Variants in P2RX1 observed in about 807,000 individuals in gnomAD.
The protein encoded by P2RX1 is P2X purinoceptor 1.
In P2RX1, 42 loss-of-function variants were observed where a neutral mutation model predicts 50.3. The observed-to-expected ratio is 0.83, with a 90% confidence interval of 0.65 to 1.08. P2RX1 has a LOEUF of 1.08. P2RX1 is among the 50% of genes least tolerant of loss of function. The probability of loss-of-function intolerance (pLI) is 0.00; values close to 1 mark genes in which losing one functional copy is unlikely to be tolerated. For missense variants in P2RX1, 449 were observed against 529.0 expected, an observed-to-expected ratio of 0.85 and a Z score of 1.48; for synonymous variants, 199 against 202.6, an observed-to-expected ratio of 0.98 and a Z score of 0.15.
At chr17:3,915,687 T>G in intron 1 of P2RX1, 1 of 464,972 alleles carries the variant, frequency 2.2e-6, no homozygotes, top group Non-Finnish European at 4.3e-6. Context: ...TAACTTGTCA[T>G]ATGGGGTGAC....
chr17:3,902,336 G>A lies in P2RX1; in HGVS notation c.747+866C>T, dbSNP rs148779603. 1.1e-4 allele frequency among the ~76,000 whole-genome samples: 17 copies of A among 150,906 alleles called. No individual in the cohort carries two copies. The East Asian group carries it at 2.5e-3, about 23-fold the overall frequency. ...TTTGACAGAGTCTTGCTCTGTCCCC[G>A]AGTCTGGAGTGCAGTGGCGTGATCT... is the stretch of plus-strand genomic sequence containing the variant. On this transcript the variant is annotated intron_variant, in intron 7 of 11. Transcript: ENST00000225538.
At chr17:3,897,955 A>G in intron 11 of P2RX1, 54 bp downstream of exon 11, 1 of 1,610,036 alleles carries the variant, frequency 6.2e-7, no homozygotes, top group Non-Finnish European at 8.5e-7. Flanking sequence ...CCACCCCAAC[A>G]CAGACACAAG....
intron 1 of P2RX1, chr17:3,915,480 G>T (rs542660715): frequency 4.4e-6 from 2 of 456,428 alleles, no homozygotes; most frequent in Non-Finnish European, 8.8e-6. Flanking sequence ...CTCCCAGCCC[G>T]GTGGGACAGG....
chr17:3,914,973 G>A lies in P2RX1; in HGVS notation c.137+1116C>T, dbSNP rs1226293470. Reference sequence around the variant, plus strand: ...GGACAGAAGGAGGGCTCTTTTGGACGCCAGAAGTTTCCGGGGGACTAGGAC... The same window carrying A: ...GGACAGAAGGAGGGCTCTTTTGGACACCAGAAGTTTCCGGGGGACTAGGAC... On this transcript the variant is annotated intron_variant, in intron 1 of 11. Transcript: ENST00000225538. This position sits in a 1 kb window ranked among gnomAD's most constrained non-coding sequence, Gnocchi z 4.1. Among the ~76,000 whole-genome samples the A allele has an allele frequency of 1.3e-5, 2 of 152,156 alleles. No homozygotes were observed. Among genetic ancestry groups the A allele is most frequent in the Non-Finnish European group, 2.9e-5 (2 of 68,010 alleles).
intron 1 of P2RX1, among the ~76,000 whole-genome samples, chr17:3,905,803 C>A (rs1251274884): frequency 6.8e-6 from 1 of 146,652 alleles, no homozygotes; most frequent in Non-Finnish European, 1.5e-5. Flanking sequence ...GCCGAGATCG[C>A]GCTATTGCAC....
At chr17:3,915,666 CTG>C (rs1186171152) in intron 1 of P2RX1, 1 of 460,694 alleles carries the variant, frequency 2.2e-6, no homozygotes, top group Non-Finnish European at 4.4e-6. Flanking sequence ...GCAGCAGAGT[CTG>C]TCTCTCTCTA....
At chr17:3,907,839 T>A (rs2056294940) in intron 1 of P2RX1, among the ~76,000 whole-genome samples, 1 of 152,158 alleles carries the variant, frequency 6.6e-6, no homozygotes, top group African/African-American at 2.4e-5. Flanking sequence ...CAGGAGGGCC[T>A]CTGGTTCTGT....
chr17:3,908,954 T>A (rs563408086), intron 1 of P2RX1, among the ~76,000 whole-genome samples: 2 of 152,308 alleles, frequency 1.3e-5, no homozygotes, highest in South Asian at 4.1e-4. Context: ...ATTAAGTGTT[T>A]AGTGAGGCTC....
At position 3,898,068 on chromosome 17, in the gene P2RX1, T is replaced by C. The variant is rs1047283827; in HGVS notation, c.1075A>G (p.Lys359Glu). 1.2e-6 allele frequency: 2 copies of C among 1,613,250 alleles called. No homozygotes were observed. Among genetic ancestry groups the C allele is most frequent in the Non-Finnish European group, 1.7e-6 (2 of 1,179,862 alleles). Residue 359 changes from lysine (K) to glutamate (E), a missense_variant, in exon 11 of 12, where the codon AAG becomes GAG. Physicochemically the swap from Lys to Glu is moderately conservative, Grantham distance 56. Transcript: ENST00000225538. Reference sequence around the variant, plus strand: ...TTCTTCTGCTTGTAGTAGTGCCTCTTAGGCAGGATGTGAAGCAGCAGCAGG... The same window carrying C: ...TTCTTCTGCTTGTAGTAGTGCCTCTCAGGCAGGATGTGAAGCAGCAGCAGG... Reference protein sequence around the residue: ...CDLLLLHILPKRHYYKQKKFK... With the variant: ...CDLLLLHILPERHYYKQKKFK...
intron 1 of P2RX1, among the ~76,000 whole-genome samples, chr17:3,909,704 G>A (rs74953225): frequency 1.3e-5 from 2 of 152,050 alleles, no homozygotes; most frequent in Non-Finnish European, 2.9e-5. Flanking sequence ...AAACAAACAC[G>A]TATTTATCCA....
In P2RX1 at chr17:3,916,098, T is replaced by C. The variant is rs2052403673; in HGVS notation, c.128A>G (p.Tyr43Cys). The C allele has an allele frequency of 2.5e-6, 4 of 1,613,446 alleles. No individual in the cohort carries two copies. The highest frequency in any genetic ancestry group is 2.5e-6 in the Non-Finnish European group (3 of 1,179,954). The change falls in exon 1 of 12, where the codon TAC becomes TGC. Residue 43 changes from tyrosine (Y) to cysteine (C), a missense_variant. By Grantham distance (194) the Tyr-to-Cys change is radical. Coordinates refer to ENST00000225538, the MANE Select transcript of P2RX1 (RefSeq NM_002558.4). ...FRLIQLVVLV[Y>C]VIGWVFLYEK... ...AGGCGCCCGGACTCACCCGATGACG[T>C]AGACCAGGACCACCAGCTGGATCAG...
intron 1 of P2RX1, chr17:3,915,522 C>T (rs2052388038): frequency 2.2e-6 from 1 of 456,542 alleles, no homozygotes; most frequent in African/African-American, 2.0e-5. Context: ...ACTATCATCC[C>T]TGGGACCAGA....
chr17:3,907,524 G>A lies in P2RX1; in HGVS notation c.138-2157C>T, dbSNP rs1309445350. 3.3e-5 allele frequency among the ~76,000 whole-genome samples: 5 copies of A among 152,122 alleles called. No homozygotes were observed. The East Asian group carries it at 9.6e-4, about 29-fold the overall frequency. ...GAACTCTCCAGGCCTCTTAGTCCCA[G>A]AGTCACCTCTCTCCCTGCTGCAGGC... On this transcript the variant is annotated intron_variant, in intron 1 of 11. Transcript: ENST00000225538.
intron 3 of P2RX1, 52 bp downstream of exon 3, chr17:3,904,798 CTCTGCACG>C (rs1567653383): frequency 3.7e-6 from 5 of 1,345,274 alleles, no homozygotes; most frequent in Non-Finnish European, 5.2e-6. Flanking sequence ...TGGAGACTTT[CTCTGCACG>C]TCATTTTCCC....
intron 1 of P2RX1, among the ~76,000 whole-genome samples, chr17:3,909,031 A>G (rs1383871867): frequency 6.6e-6 from 1 of 151,802 alleles, no homozygotes; most frequent in South Asian, 2.1e-4. Flanking sequence ...GGAAGCTTCT[A>G]TGAGTTCTTT....
At chr17:3,904,434 T>C in intron 3 of P2RX1, 35 bp from the exon 4 acceptor site, 4 of 1,590,674 alleles carry the variant, frequency 2.5e-6, no homozygotes, top group Non-Finnish European at 3.4e-6. Context: ...CCCAGGCCCC[T>C]TGGGTGGGGT....
chr17:3,906,097 C>G (rs975982286), intron 1 of P2RX1, among the ~76,000 whole-genome samples: 3 of 152,282 alleles, frequency 2.0e-5, no homozygotes, highest in African/African-American at 7.2e-5. Flanking sequence ...TCCCCTGTGC[C>G]TCAGTTTCCT....
intron 1 of P2RX1, among the ~76,000 whole-genome samples, chr17:3,906,404 TA>T (rs1327819761): frequency 6.6e-6 from 1 of 152,244 alleles, no homozygotes. Context: ...GTGCTGGGAT[TA>T]TAGGCATGAG....
intron 1 of P2RX1, among the ~76,000 whole-genome samples, chr17:3,910,921 T>C (rs567092560): frequency 6.6e-6 from 1 of 152,374 alleles, no homozygotes; most frequent in East Asian, 1.9e-4. Context: ...GTTGAATGAC[T>C]AACTGAATGT....
Sources: gnomAD v4.1 joint callset for allele counts (sites outside exome capture counted in the v4.1 genomes callset) on GRCh38, gnomAD v4.1.1 for gene constraint, Gnocchi (gnomAD v3.1) non-coding constraint, MANE v1.5 for transcripts, NCBI Gene and HGNC (gene_info 2026-07-23, HGNC 2026-07-21) for gene names.